GRM7: variants seen among roughly 807,000 people sequenced by gnomAD.
GRM7 encodes metabotropic glutamate receptor 7.
A neutral mutation model predicts 84.5 loss-of-function variants in GRM7; 35 were observed. The ratio of observed to expected loss-of-function variants is 0.41; its 90% CI spans 0.32 to 0.55. GRM7 has a LOEUF of 0.55. GRM7 is among the 20% of genes least tolerant of loss of function. The probability of loss-of-function intolerance (pLI) is 0.19; values close to 1 mark genes in which losing one functional copy is unlikely to be tolerated. For missense variants in GRM7, 1,003 were observed against 1,194.6 expected (o/e 0.84, Z 2.36); for synonymous variants, 487 against 455.1 (o/e 1.07, Z -0.89).
intron 7 of GRM7, among the ~76,000 whole-genome samples, chr3:7,531,423 A>G (rs980445151): frequency 2.0e-5 from 3 of 152,096 alleles, no homozygotes; most frequent in Non-Finnish European, 4.4e-5. Flanking sequence ...TTTTCATGAT[A>G]TTGATTCTTC....
chr3:7,500,642 G>A (rs1387923447), intron 7 of GRM7, among the ~76,000 whole-genome samples: 1 of 152,208 alleles, frequency 6.6e-6, no homozygotes. Flanking sequence ...ATGATGGATT[G>A]GATTGTTGTT....
intron 2 of GRM7, among the ~76,000 whole-genome samples, chr3:7,173,456 T>G (rs2125090175): frequency 6.6e-6 from 1 of 152,286 alleles, no homozygotes; most frequent in African/African-American, 2.4e-5. Context: ...ATGTTACATG[T>G]TTCTAAAGTT....
At chr3:7,134,606 A>G (rs561864969) in intron 1 of GRM7, among the ~76,000 whole-genome samples, 25 of 152,300 alleles carry the variant, frequency 1.6e-4, no homozygotes, top group African/African-American at 5.3e-4. Flanking sequence ...TGAAGCTAAA[A>G]GGATCCTGTG....
chr3:7,623,031 T>A (rs1269054643), intron 8 of GRM7, among the ~76,000 whole-genome samples: 2 of 152,174 alleles, frequency 1.3e-5, no homozygotes, highest in African/African-American at 4.8e-5. Context: ...CATGTGGCAG[T>A]CTTTCTTGTG....
intron 8 of GRM7, among the ~76,000 whole-genome samples, chr3:7,626,874 C>G (rs1162844980): frequency 6.6e-6 from 1 of 150,606 alleles, no homozygotes; most frequent in East Asian, 1.9e-4. Context: ...CAAGACCGAA[C>G]ATTATTAATG....
chr3:7,481,608 AT>A (rs1473574233), intron 7 of GRM7, among the ~76,000 whole-genome samples: 1 of 152,200 alleles, frequency 6.6e-6, no homozygotes, highest in Non-Finnish European at 1.5e-5. Flanking sequence ...TGGCAGGATT[AT>A]TTTAAGGATA....
At chr3:6,972,085 T>A (rs1302667502) in intron 1 of GRM7, among the ~76,000 whole-genome samples, 2 of 152,200 alleles carry the variant, frequency 1.3e-5, no homozygotes, top group African/African-American at 4.8e-5. Flanking sequence ...TTGAGATAGC[T>A]GAATGTCTGT....
chr3:7,252,445 C>T (rs1470638891), intron 2 of GRM7, among the ~76,000 whole-genome samples: 2 of 152,084 alleles, frequency 1.3e-5, no homozygotes, highest in Non-Finnish European at 2.9e-5. Flanking sequence ...GGCAGTTCTC[C>T]CCCTTTTCTG....
intron 1 of GRM7, among the ~76,000 whole-genome samples, chr3:7,128,452 C>T (rs1271431168): frequency 6.7e-6 from 1 of 150,094 alleles, no homozygotes; most frequent in Non-Finnish European, 1.5e-5. Flanking sequence ...TGTTTTACAG[C>T]TCTAGGTACT....
intron 1 of GRM7, among the ~76,000 whole-genome samples, chr3:6,958,512 G>T (rs1392682142): frequency 6.6e-6 from 1 of 152,034 alleles, no homozygotes; most frequent in Admixed American, 6.6e-5. Context: ...TTGTGTGGAT[G>T]TTATTCTTTC....
intron 1 of GRM7, among the ~76,000 whole-genome samples, chr3:7,121,812 A>C (rs115209101): frequency 3.9e-3 from 587 of 152,288 alleles, no homozygotes; most frequent in Non-Finnish European, 6.6e-3. Flanking sequence ...CATGTGTTGG[A>C]AACTTAATCC....
At chr3:6,885,197 TAAAC>T (rs796615997) in intron 1 of GRM7, among the ~76,000 whole-genome samples, 2 of 152,268 alleles carry the variant, frequency 1.3e-5, no homozygotes, top group African/African-American at 4.8e-5. Flanking sequence ...CCAGTGGTGT[TAAAC>T]AACGACTTTT....
chr3:7,157,175 T>A (rs190567708), intron 2 of GRM7, among the ~76,000 whole-genome samples: 75 of 152,200 alleles, frequency 4.9e-4, no homozygotes, highest in Non-Finnish European at 8.4e-4. Flanking sequence ...AAACTCAGCA[T>A]CAAGTAAGAA....
chr3:7,337,132 T>C (rs1701450864), intron 4 of GRM7, among the ~76,000 whole-genome samples: 1 of 152,126 alleles, frequency 6.6e-6, no homozygotes, highest in African/African-American at 2.4e-5. Flanking sequence ...TACAGCCAAC[T>C]GCTCTTTGAC....
chr3:7,075,513 T>C (rs1180636208), intron 1 of GRM7, among the ~76,000 whole-genome samples: 26 of 106,206 alleles, frequency 2.4e-4, no homozygotes, highest in African/African-American at 6.0e-4. Context: ...TGTGTGTGTG[T>C]GTGTGTGTGT....
intron 7 of GRM7, among the ~76,000 whole-genome samples, chr3:7,562,297 C>T (rs575787579): frequency 6.6e-6 from 1 of 151,152 alleles, no homozygotes. Context: ...CACGATGTGC[C>T]AGGAAAAAAA....
In GRM7 at chr3:7,673,460, G is replaced by A. The variant is rs540828551; in HGVS notation, c.2452-6589G>A. Among the ~76,000 whole-genome samples, 131 of 150,650 alleles carry A rather than the reference G, an allele frequency of 8.7e-4. 1 individual carries two copies. The South Asian group carries it at 0.026, about 30-fold the overall frequency. Reference sequence around the variant, plus strand: ...CAAAAGTTTCCCATGAAAAAACACAGGACTTACAGGAAACCGGGTTAGAGA... The same window carrying A: ...CAAAAGTTTCCCATGAAAAAACACAAGACTTACAGGAAACCGGGTTAGAGA... On this transcript the variant is annotated intron_variant, in intron 8 of 9. Transcript: ENST00000357716.
At chr3:6,952,998 C>T (rs894443198) in intron 1 of GRM7, among the ~76,000 whole-genome samples, 1 of 152,174 alleles carries the variant, frequency 6.6e-6, no homozygotes, top group Non-Finnish European at 1.5e-5. Context: ...AGAAGATTCA[C>T]ATTCCTACAT....
intron 4 of GRM7, among the ~76,000 whole-genome samples, chr3:7,316,167 C>T (rs757959670): frequency 2.0e-5 from 3 of 151,910 alleles, no homozygotes; most frequent in Non-Finnish European, 2.9e-5. Context: ...ACTGGTGAGC[C>T]GGAGCACAGT....
Sources: allele counts gnomAD v4.1 joint callset (sites outside exome capture counted in the v4.1 genomes callset), GRCh38; gene constraint gnomAD v4.1.1; transcripts MANE v1.5; gene names NCBI Gene and HGNC (gene_info 2026-07-23, HGNC 2026-07-21).